PTPRD: variants seen among roughly 807,000 people sequenced by gnomAD.
PTPRD encodes protein tyrosine phosphatase receptor type D.
In PTPRD, 34 loss-of-function variants were observed where a neutral mutation model predicts 214.5. That is an observed-to-expected ratio of 0.16 (90% CI 0.12 to 0.21). The LOEUF is 0.21. PTPRD is among the 10% of genes least tolerant of loss of function. PTPRD has a pLI of 1.00. For synonymous variants in PTPRD, 1,128 were observed against 845.7 expected (o/e 1.33, Z -5.79); for missense variants, 2,545 against 2,398.7 (o/e 1.06, Z -1.27).
chr9:9,598,580 G>A (rs1173279081), intron 7 of PTPRD, among the ~76,000 whole-genome samples: 1 of 151,960 alleles, frequency 6.6e-6, no homozygotes, highest in African/African-American at 2.4e-5. Context: ...ACCTACTATA[G>A]ACCTTTTGAT....
At chr9:9,585,533 T>G (rs1267570181) in intron 7 of PTPRD, among the ~76,000 whole-genome samples, 1 of 152,088 alleles carries the variant, frequency 6.6e-6, no homozygotes, top group Non-Finnish European at 1.5e-5. Context: ...AAACAAAATT[T>G]ATCCTCTTCC....
intron 14 of PTPRD, among the ~76,000 whole-genome samples, chr9:8,607,836 A>T (rs1048434797): frequency 1.3e-5 from 2 of 152,188 alleles, no homozygotes; most frequent in African/African-American, 4.8e-5. Flanking sequence ...CAAATCTAGG[A>T]TATATAATTT....
At chr9:9,276,437 G>A (rs1176785409) in intron 9 of PTPRD, among the ~76,000 whole-genome samples, 1 of 151,232 alleles carries the variant, frequency 6.6e-6, no homozygotes, top group Non-Finnish European at 1.5e-5. Flanking sequence ...TTTGGTAATG[G>A]GCAAGGTGGT....
At chr9:9,236,321 A>G (rs2099966689) in intron 9 of PTPRD, among the ~76,000 whole-genome samples, 1 of 152,116 alleles carries the variant, frequency 6.6e-6, no homozygotes, top group South Asian at 2.1e-4. Flanking sequence ...CCAAACAACT[A>G]TATTTCTGAT....
In PTPRD at chr9:10,064,258, A is replaced by C. The variant is rs141636020; in HGVS notation, c.-544-30468T>G. On this transcript the variant is annotated intron_variant, in intron 3 of 45. Coordinates refer to ENST00000381196, the MANE Select transcript of PTPRD (RefSeq NM_002839.4). ...GGTGAATTGTTTTGAGGGGCATGAC[A>C]ATGCTGTATTAACTTAAAACCTTAA... is the stretch of plus-strand genomic sequence containing the variant. 9.2e-5 allele frequency among the ~76,000 whole-genome samples: 14 copies of C among 152,088 alleles called. No individual in the cohort carries two copies. In the East Asian group the frequency reaches 1.9e-3, roughly 21 times the overall value.
At chr9:9,797,458 A>G (rs1035085003) in intron 5 of PTPRD, among the ~76,000 whole-genome samples, 18 of 152,270 alleles carry the variant, frequency 1.2e-4, no homozygotes, top group Non-Finnish European at 2.4e-4. Flanking sequence ...TAAGGAAAAC[A>G]TCAAAGATAA....
intron 3 of PTPRD, among the ~76,000 whole-genome samples, chr9:10,156,327 G>T (rs2099093328): frequency 6.6e-6 from 1 of 151,954 alleles, no homozygotes; most frequent in African/African-American, 2.4e-5. Flanking sequence ...AGATTCTGGT[G>T]TGTTGTATCT....
chr9:10,199,305 GA>G (rs2099410302), intron 3 of PTPRD, among the ~76,000 whole-genome samples: 2 of 152,042 alleles, frequency 1.3e-5, no homozygotes, highest in African/African-American at 2.4e-5. Flanking sequence ...TTCTCACTGA[GA>G]AATCAGATTT....
intron 44 of PTPRD, among the ~76,000 whole-genome samples, chr9:8,329,388 C>G (rs1346641917): frequency 1.3e-5 from 2 of 152,164 alleles, no homozygotes; most frequent in African/African-American, 2.4e-5. Flanking sequence ...CCTCTGGAAG[C>G]TTCATCCCAG....
intron 9 of PTPRD, among the ~76,000 whole-genome samples, chr9:9,305,451 T>C (rs1479888471): frequency 1.3e-5 from 2 of 152,146 alleles, no homozygotes; most frequent in Non-Finnish European, 2.9e-5. Flanking sequence ...AACCTATCTA[T>C]GCTGCAGAGA....
intron 8 of PTPRD, among the ~76,000 whole-genome samples, chr9:9,551,179 G>A (rs1205239773): frequency 6.6e-6 from 1 of 151,912 alleles, no homozygotes; most frequent in Non-Finnish European, 1.5e-5. Flanking sequence ...GTAGTATGGA[G>A]GGGCTCATTT....
rs181731644 is a variant in PTPRD at position 9,909,981 on chromosome 9, A to G, written c.-368+28526T>C. 2.8e-3 allele frequency among the ~76,000 whole-genome samples: 432 copies of G among 152,088 alleles called. 1 individual carries two copies. The highest frequency in any genetic ancestry group is 9.3e-3 in the African/African-American group (385 of 41,520). Reference sequence around the variant, plus strand: ...GACAAAATCATCCTATCAGTTAGAGAAAAGTTCTAATTCCTTGGTGTTACT... The same window carrying G: ...GACAAAATCATCCTATCAGTTAGAGGAAAGTTCTAATTCCTTGGTGTTACT... On this transcript the variant is annotated intron_variant, in intron 5 of 45. Transcript: ENST00000381196.
intron 9 of PTPRD, among the ~76,000 whole-genome samples, chr9:9,280,026 C>T (rs1039660098): frequency 4.0e-5 from 6 of 151,240 alleles, no homozygotes; most frequent in Non-Finnish European, 7.4e-5. Context: ...CAATGTACCG[C>T]AATTACAAAC....
intron 7 of PTPRD, among the ~76,000 whole-genome samples, chr9:9,708,163 A>G (rs1240227175): frequency 1.3e-5 from 2 of 152,064 alleles, no homozygotes; most frequent in Non-Finnish European, 2.9e-5. Context: ...AAATTGACAA[A>G]ACATATTTCT....
chr9:9,781,958 A>T (rs967417957), intron 5 of PTPRD, among the ~76,000 whole-genome samples: 6 of 151,966 alleles, frequency 3.9e-5, no homozygotes, highest in Admixed American at 2.0e-4. Flanking sequence ...ACGCCCGGCT[A>T]ATTTTATGTA....
intron 12 of PTPRD, among the ~76,000 whole-genome samples, chr9:8,704,871 C>G (rs1282336676): frequency 6.6e-6 from 1 of 151,558 alleles, no homozygotes; most frequent in Non-Finnish European, 1.5e-5. Context: ...TGCAGTGAGC[C>G]AAGATCATGC....
intron 5 of PTPRD, among the ~76,000 whole-genome samples, chr9:9,891,576 T>A (rs368854037): frequency 6.6e-6 from 1 of 152,128 alleles, no homozygotes; most frequent in Admixed American, 6.6e-5. Flanking sequence ...GATTTAACTA[T>A]TTTTGAATGC....
intron 3 of PTPRD, among the ~76,000 whole-genome samples, chr9:10,158,259 G>A (rs767813271): frequency 2.5e-4 from 38 of 152,186 alleles, no homozygotes; most frequent in Admixed American, 2.0e-4. Context: ...TGCCCACTTC[G>A]GCCCCCTGAA....
intron 14 of PTPRD, among the ~76,000 whole-genome samples, chr9:8,544,710 A>C (rs2079490675): frequency 6.6e-6 from 1 of 150,642 alleles, no homozygotes; most frequent in South Asian, 2.1e-4. Flanking sequence ...ACCTTCAGTG[A>C]CCCACCATTG....
Sources: gnomAD v4.1 joint callset for allele counts (sites outside exome capture counted in the v4.1 genomes callset) on GRCh38, gnomAD v4.1.1 for gene constraint, MANE v1.5 for transcripts, NCBI Gene and HGNC (gene_info 2026-07-23, HGNC 2026-07-21) for gene names.